The following ABTB3 variants were observed in gnomAD, a reference collection of about 807,000 sequenced individuals.
The protein encoded by ABTB3 is ankyrin repeat- and BTB/POZ domain-containing protein 3.
At chr12:107,489,055 ATAC>A in the ABTB3 span, among the ~76,000 whole-genome samples, 1 of 152,196 alleles carries the variant, frequency 6.6e-6, no homozygotes, top group Non-Finnish European at 1.5e-5. Context: ...GTTAATATTA[ATAC>A]TTTTCTTCAC....
the ABTB3 span, chr12:107,580,650 A>G: frequency 2.2e-6 from 1 of 448,534 alleles, no homozygotes; most frequent in Non-Finnish European, 3.8e-6. Context: ...CTGAAGCCTG[A>G]AAGAGCTCCA....
At chr12:107,412,481 G>T in the ABTB3 span, among the ~76,000 whole-genome samples, 1 of 152,202 alleles carries the variant, frequency 6.6e-6, no homozygotes, top group African/African-American at 2.4e-5. Context: ...TCATGAAATT[G>T]CACTAACCGA....
the ABTB3 span, chr12:107,544,025 C>A: frequency 3.7e-6 from 6 of 1,613,986 alleles, no homozygotes; most frequent in South Asian, 5.5e-5. Context: ...AAGCAGGGGG[C>A]ACTGTACTGG....
At chr12:107,545,982 C>T in the ABTB3 span, among the ~76,000 whole-genome samples, 2 of 152,230 alleles carry the variant, frequency 1.3e-5, no homozygotes, top group African/African-American at 4.8e-5. Flanking sequence ...GCTCCAGAAC[C>T]TTTTCATCTC....
chr12:107,434,504 G>A, the ABTB3 span, among the ~76,000 whole-genome samples: 1 of 152,192 alleles, frequency 6.6e-6, no homozygotes, highest in Non-Finnish European at 1.5e-5. Flanking sequence ...TCGAAATAGT[G>A]AAAGCAAACC....
the ABTB3 span, among the ~76,000 whole-genome samples, chr12:107,566,680 C>CACACACACAA: frequency 1.8e-3 from 280 of 151,476 alleles, no homozygotes; most frequent in African/African-American, 6.4e-3. Flanking sequence ...CACACACACA[C>CACACACACAA]ACACAAACAT....
the ABTB3 span, among the ~76,000 whole-genome samples, chr12:107,616,732 A>G: frequency 6.6e-6 from 1 of 152,220 alleles, no homozygotes; most frequent in East Asian, 1.9e-4. Flanking sequence ...CTGTGCCAAG[A>G]ACCTTTAGCC....
the ABTB3 span, among the ~76,000 whole-genome samples, chr12:107,469,945 T>C: frequency 2.7e-5 from 1 of 36,422 alleles, no homozygotes; most frequent in East Asian, 8.8e-4. Context: ...TTTCTTTCTC[T>C]TTCTTTCTTT....
the ABTB3 span, chr12:107,612,879 C>G: frequency 6.2e-7 from 1 of 1,611,842 alleles, no homozygotes; most frequent in Non-Finnish European, 8.5e-7. Context: ...GGTGAGGGTG[C>G]AGAGGCCAGC....
the ABTB3 span, among the ~76,000 whole-genome samples, chr12:107,633,876 G>A: frequency 1.3e-5 from 2 of 152,202 alleles, no homozygotes. Flanking sequence ...AGAAGGTCTG[G>A]GGCGAGGCCC....
At chr12:107,602,257 G>T in the ABTB3 span, among the ~76,000 whole-genome samples, 4 of 152,208 alleles carry the variant, frequency 2.6e-5, no homozygotes, top group African/African-American at 4.8e-5. Flanking sequence ...CCTTCCTGGG[G>T]GCCAGGCTTT....
At chr12:107,344,784 A>G in the ABTB3 span, among the ~76,000 whole-genome samples, 2 of 152,238 alleles carry the variant, frequency 1.3e-5, no homozygotes, top group East Asian at 3.8e-4. Flanking sequence ...TAATAAACAT[A>G]ATCTTGAGTC....
chr12:107,471,337 A>G, the ABTB3 span, among the ~76,000 whole-genome samples: 3 of 152,252 alleles, frequency 2.0e-5, no homozygotes, highest in Non-Finnish European at 2.9e-5. Flanking sequence ...ATTTGGGAAC[A>G]TAAGGGATTA....
chr12:107,490,101 G>A, the ABTB3 span, among the ~76,000 whole-genome samples: 418 of 152,316 alleles, frequency 2.7e-3, 3 homozygotes, highest in African/African-American at 9.3e-3. Context: ...TCTGTCCACA[G>A]ACTAATTATA....
chr12:107,568,665 T>C, the ABTB3 span, among the ~76,000 whole-genome samples: 1 of 152,216 alleles, frequency 6.6e-6, no homozygotes, highest in Non-Finnish European at 1.5e-5. Context: ...GAAAGTTTTA[T>C]TGGACAGAAA....
At chr12:107,328,196 A>G in the ABTB3 span, among the ~76,000 whole-genome samples, 31 of 152,366 alleles carry the variant, frequency 2.0e-4, no homozygotes, top group South Asian at 6.4e-3. Flanking sequence ...TATTATCCCC[A>G]TTTTACAGAT....
the ABTB3 span, chr12:107,617,033 C>A: frequency 1.3e-6 from 2 of 1,558,996 alleles, no homozygotes; most frequent in African/African-American, 1.4e-5. Flanking sequence ...TCTTTCCTGA[C>A]ACCTGTGCAC....
At chr12:107,392,494 G>C in the ABTB3 span, among the ~76,000 whole-genome samples, 1 of 152,128 alleles carries the variant, frequency 6.6e-6, no homozygotes, top group Non-Finnish European at 1.5e-5. Flanking sequence ...AGGTCGTTCT[G>C]TTCTGTGTCT....
the ABTB3 span, chr12:107,520,776 T>C: frequency 9.0e-5 from 95 of 1,059,522 alleles, no homozygotes; most frequent in African/African-American, 1.1e-3. Flanking sequence ...GACTGCCTGC[T>C]GTGTACACTA....
Sources: gnomAD v4.1 joint callset for allele counts (sites outside exome capture counted in the v4.1 genomes callset) on GRCh38, gnomAD v4.1.1 for gene constraint, MANE v1.5 for transcripts, NCBI Gene and HGNC (gene_info 2026-07-23, HGNC 2026-07-21) for gene names.